The following KDM2B variants were observed in gnomAD, a reference collection of about 807,000 sequenced individuals.
KDM2B encodes the protein lysine demethylase 2B.
In KDM2B, 26 loss-of-function variants were observed where a neutral mutation model predicts 150.0. That is an observed-to-expected ratio of 0.17 (90% CI 0.13 to 0.24). KDM2B has a LOEUF of 0.24. Ranked by LOEUF, KDM2B falls within the 10% of genes least tolerant of loss-of-function variation. The pLI is 1.00. For synonymous variants in KDM2B, 734 were observed against 729.5 expected (o/e 1.01, Z -0.10); for missense variants, 1,265 against 1,816.9 (o/e 0.70, Z 5.52).
chr12:121,536,130 C>A (rs1888075172), intron 6 of KDM2B: 1 of 984,478 alleles, frequency 1.0e-6, no homozygotes, highest in Non-Finnish European at 1.2e-6. Context: ...GGAGATAATG[C>A]GGGGAGTGGG....
chr12:121,458,381 A>C (rs1239456601), intron 12 of KDM2B, among the ~76,000 whole-genome samples: 3 of 152,192 alleles, frequency 2.0e-5, no homozygotes, highest in Non-Finnish European at 4.4e-5. Flanking sequence ...TCTCAAAAAC[A>C]AAACAAGAAT....
chr12:121,546,929 C>T, intron 6 of KDM2B, among the ~76,000 whole-genome samples: 1 of 151,910 alleles, frequency 6.6e-6, no homozygotes, highest in African/African-American at 2.4e-5. Flanking sequence ...CTCCTGACCC[C>T]AGGTGATCTG....
intron 22 of KDM2B, among the ~76,000 whole-genome samples, chr12:121,433,943 C>G (rs1416992719): frequency 6.6e-6 from 1 of 152,050 alleles, no homozygotes; most frequent in African/African-American, 2.4e-5. Context: ...ACTTGGGAGG[C>G]TGAGGTGGGT....
At chr12:121,541,996 G>A (rs1555309840) in intron 6 of KDM2B, among the ~76,000 whole-genome samples, 1 of 152,158 alleles carries the variant, frequency 6.6e-6, no homozygotes, top group Non-Finnish European at 1.5e-5. Flanking sequence ...CCCTTCGAGA[G>A]GCAGAGCTAA....
the KDM2B span, among the ~76,000 whole-genome samples, chr12:121,415,781 C>CA: frequency 9.3e-4 from 137 of 146,992 alleles, 2 homozygotes; most frequent in Middle Eastern, 3.6e-3. Flanking sequence ...AGATGAAAAA[C>CA]AAAGAATTTT....
intron 6 of KDM2B, among the ~76,000 whole-genome samples, chr12:121,543,513 A>T (rs1465233742): frequency 2.0e-5 from 3 of 151,514 alleles, no homozygotes; most frequent in Admixed American, 6.6e-5. Context: ...CTACAAATTT[A>T]AAAAAAAATT....
At chr12:121,570,343 C>T (rs752410266) in intron 4 of KDM2B, among the ~76,000 whole-genome samples, 16 of 152,080 alleles carry the variant, frequency 1.1e-4, no homozygotes, top group Admixed American at 5.2e-4. Flanking sequence ...TGAGCCACTG[C>T]GCCTGGCCAT....
At chr12:121,555,252 A>C (rs1443301639) in intron 4 of KDM2B, among the ~76,000 whole-genome samples, 1 of 152,248 alleles carries the variant, frequency 6.6e-6, no homozygotes, top group African/African-American at 2.4e-5. Flanking sequence ...ATAATGTTTA[A>C]TCATATCATT....
At chr12:121,580,479 A>C in intron 1 of KDM2B, 1 of 1,176,980 alleles carries the variant, frequency 8.5e-7, no homozygotes, top group Non-Finnish European at 1.1e-6. Context: ...GCGCCTCTGC[A>C]CGCAGGCGCC....
At chr12:121,448,319 CAAAAAAAAAAAA>C (rs57261158) in intron 13 of KDM2B, among the ~76,000 whole-genome samples, 3 of 51,106 alleles carry the variant, frequency 5.9e-5, no homozygotes, top group African/African-American at 1.8e-4. Context: ...GACTCTGTCT[CAAAAAAAAAAAA>C]AAAAAAAAAA....
At chr12:121,470,425 T>C (rs1880649691) in intron 12 of KDM2B, 1 of 152,072 alleles carries the variant, frequency 6.6e-6, no homozygotes, top group Admixed American at 6.6e-5. Flanking sequence ...CCAAAGAAAA[T>C]TAGGGAGTGG....
In KDM2B at chr12:121,467,896, C is replaced by G. The variant is rs1363982657; in HGVS notation, c.1735-14552G>C. ...GAACCCGGGAACCCCCGACCCAGAGCCTGCAGGACCGCTGGCCTGGATAAG... is the reference window on the plus strand; with the variant it reads ...GAACCCGGGAACCCCCGACCCAGAGGCTGCAGGACCGCTGGCCTGGATAAG... On this transcript the variant is annotated intron_variant, in intron 12 of 22. Coordinates refer to ENST00000377071, the MANE Select transcript of KDM2B (RefSeq NM_032590.5). The surrounding 1 kb of genome is among the most constrained non-coding windows in gnomAD (Gnocchi z 5.1). 1 of 152,322 alleles carries G rather than the reference C, an allele frequency of 6.6e-6. No homozygotes were observed. The highest frequency in any genetic ancestry group is 2.4e-5 in the African/African-American group (1 of 41,454). The allele number at this position is 152,322 out of a possible 1,614,324, so 9.4% of individuals were successfully genotyped here.
chr12:121,558,685 C>T (rs538898474), intron 4 of KDM2B, among the ~76,000 whole-genome samples: 8 of 152,038 alleles, frequency 5.3e-5, no homozygotes, highest in Non-Finnish European at 8.8e-5. Flanking sequence ...AAACTCCTGA[C>T]GTCAAGTGAT....
In KDM2B at chr12:121,499,523, C is replaced by A. The variant is rs188080372; in HGVS notation, c.1648-4858G>T. ...AAAATTAGCTGGGCATGGTGGTGTG[C>A]ACCTGTAGTCCTAGCTTCTTGGGGA... On this transcript the variant is annotated intron_variant, in intron 11 of 22. Coordinates refer to ENST00000377071, the MANE Select transcript of KDM2B (RefSeq NM_032590.5). 1.1e-4 allele frequency among the ~76,000 whole-genome samples: 17 copies of A among 152,140 alleles called. No individual in the cohort carries two copies. In the East Asian group the frequency reaches 3.3e-3, roughly 29 times the overall value.
rs1555294974 is a variant in KDM2B at position 121,467,122 on chromosome 12, C to T, written c.1735-13778G>A. Reference sequence around the variant, plus strand: ...GACAGGCGGTCGGGAGGTCGTGCGGCGGGTCCCTCCCTCAGCCCCACCCCG... The same window carrying T: ...GACAGGCGGTCGGGAGGTCGTGCGGTGGGTCCCTCCCTCAGCCCCACCCCG... On this transcript the variant is annotated intron_variant, in intron 12 of 22. Transcript: ENST00000377071. This position sits in a 1 kb window ranked among gnomAD's most constrained non-coding sequence, Gnocchi z 5.1. The T allele has an allele frequency of 4.5e-6, 5 of 1,101,328 alleles. No individual in the cohort carries two copies. Among genetic ancestry groups the T allele is most frequent in the Admixed American group, 4.3e-5 (1 of 23,504 alleles). 68.2% of individuals were successfully genotyped at this position (1,101,328 alleles called of 1,614,324 possible). A position where few individuals can be genotyped will look rare whatever the true frequency, so the allele number is the denominator to read the frequency against.
At position 121,442,804 on chromosome 12, in the gene KDM2B, C is replaced by T; in HGVS notation, c.2637G>A (p.Met879Ile). ...GCCGGAGGGGCTTGTTGGCCAGCGC[C>T]ATGCGGTCCTCGGCGTTCTTCCAGG... ...RRSWKNAEDR[M>I]ALANKPLRRF... The change falls in exon 19 of 23, where the codon ATG (methionine) becomes ATA (isoleucine). Residue 879 changes from methionine (M) to isoleucine (I), a missense_variant. Met to Ile is a conservative substitution (Grantham distance 10, BLOSUM62 1). This residue lies in a region of KDM2B where 418 missense variants were observed against 402.4 expected (regional missense o/e 1.04). Coordinates refer to ENST00000377071, the MANE Select transcript of KDM2B (RefSeq NM_032590.5). The surrounding 1 kb of genome is among the most constrained non-coding windows in gnomAD (Gnocchi z 7.7). The T allele has an allele frequency of 6.5e-7, 1 of 1,531,988 alleles. No individual in the cohort carries two copies. The highest frequency in any genetic ancestry group is 2.3e-5 in the East Asian group (1 of 44,224). The allele number at this position is 1,531,988 out of a possible 1,614,324, so 94.9% of individuals were successfully genotyped here.
At chr12:121,578,189 C>T (rs533695397) in intron 2 of KDM2B, among the ~76,000 whole-genome samples, 1 of 152,326 alleles carries the variant, frequency 6.6e-6, no homozygotes, top group Non-Finnish European at 1.5e-5. Flanking sequence ...CAGCTCCGGC[C>T]CAGGTAGGGG....
At chr12:121,428,403 C>T (rs1475297842), downstream of KDM2B, among the ~76,000 whole-genome samples, 1 of 152,128 alleles carries the variant, frequency 6.6e-6, no homozygotes, top group Non-Finnish European at 1.5e-5. Flanking sequence ...ATATTGTGGT[C>T]AGGCTGGTCT....
chr12:121,574,332 G>A, intron 4 of KDM2B: 1 of 508,590 alleles, frequency 2.0e-6, no homozygotes, highest in East Asian at 3.5e-5. Flanking sequence ...TCATAAAACT[G>A]TGTACCGGCA....
Sources: allele counts gnomAD v4.1 joint callset (sites outside exome capture counted in the v4.1 genomes callset), GRCh38; gene constraint gnomAD v4.1.1; regional missense constraint gnomAD v4.1.1; non-coding constraint Gnocchi (gnomAD v3.1); transcripts MANE v1.5; gene names NCBI Gene and HGNC (gene_info 2026-07-23, HGNC 2026-07-21).